The following VEPH1 variants were observed in gnomAD, a reference collection of about 807,000 sequenced individuals.
VEPH1 encodes ventricular zone expressed PH domain containing 1, also known as ventricular zone-expressed PH domain-containing protein homolog 1.
A neutral mutation model predicts 85.2 loss-of-function variants in VEPH1; 80 were observed. That is an observed-to-expected ratio of 0.94 (90% CI 0.78 to 1.13). The LOEUF is 1.13. VEPH1 is among the 50% of genes most tolerant of loss of function. VEPH1 has a pLI of 0.00. For synonymous variants in VEPH1, 297 were observed against 348.0 expected (o/e 0.85, Z 1.63); for missense variants, 955 against 980.5 (o/e 0.97, Z 0.35).
At chr3:157,478,949 C>A (rs1233709984) in intron 2 of VEPH1, among the ~76,000 whole-genome samples, 1 of 152,096 alleles carries the variant, frequency 6.6e-6, no homozygotes, top group Non-Finnish European at 1.5e-5. Flanking sequence ...AGAAAAAATT[C>A]TCCAAAATGA....
intron 9 of VEPH1, among the ~76,000 whole-genome samples, chr3:157,330,541 A>C (rs1722383194): frequency 6.6e-6 from 1 of 152,194 alleles, no homozygotes; most frequent in South Asian, 2.1e-4. Context: ...ATTATTATTG[A>C]GTCCTGGACT....
At chr3:157,453,183 G>A (rs894400744) in intron 4 of VEPH1, among the ~76,000 whole-genome samples, 1 of 152,204 alleles carries the variant, frequency 6.6e-6, no homozygotes, top group Non-Finnish European at 1.5e-5. Flanking sequence ...CCATCCTGAG[G>A]AAGCAGAGCT....
intron 9 of VEPH1, among the ~76,000 whole-genome samples, chr3:157,355,901 CT>C (rs142961206): frequency 0.043 from 5,921 of 139,242 alleles, 115 homozygotes; most frequent in South Asian, 0.11. Context: ...CTCTCTCACT[CT>C]TTTTTTTTTT....
intron 13 of VEPH1, among the ~76,000 whole-genome samples, chr3:157,261,963 G>T (rs1712965744): frequency 6.6e-6 from 1 of 152,128 alleles, no homozygotes. Flanking sequence ...ATCACACTGG[G>T]CTAAGATGAA....
rs775335482 is a variant in VEPH1, at chr3:157,313,611, G to A, written c.2010+10C>T. 4 of 1,613,694 alleles carry A rather than the reference G, an allele frequency of 2.5e-6. No individual in the cohort carries two copies. Among genetic ancestry groups the A allele is most frequent in the Non-Finnish European group, 3.4e-6 (4 of 1,179,754 alleles). ...TGGCCTGTAACATGGCCAAGGAAAG[G>A]AATATTTACCTTCTGCTGTGGAAAC... On this transcript the variant is annotated intron_variant, in intron 11 of 13. Coordinates refer to ENST00000362010, the MANE Select transcript of VEPH1 (RefSeq NM_001167912.2).
chr3:157,337,623 A>G (rs1029937538), intron 9 of VEPH1, among the ~76,000 whole-genome samples: 2 of 152,206 alleles, frequency 1.3e-5, no homozygotes, highest in Non-Finnish European at 2.9e-5. Flanking sequence ...CTATTTTCCA[A>G]TATTTTACAG....
intron 2 of VEPH1, among the ~76,000 whole-genome samples, chr3:157,487,088 A>C (rs1287194985): frequency 2.0e-5 from 3 of 152,086 alleles, no homozygotes; most frequent in Non-Finnish European, 4.4e-5. Flanking sequence ...TCAATAACCT[A>C]ATTATACAAT....
intron 7 of VEPH1, among the ~76,000 whole-genome samples, chr3:157,367,172 T>C (rs1726799529): frequency 6.6e-6 from 1 of 152,238 alleles, no homozygotes; most frequent in African/African-American, 2.4e-5. Context: ...TTTTATCTAC[T>C]CATACCATGC....
intron 11 of VEPH1, among the ~76,000 whole-genome samples, chr3:157,297,696 G>A (rs1194199943): frequency 6.6e-6 from 1 of 152,104 alleles, no homozygotes; most frequent in Non-Finnish European, 1.5e-5. Flanking sequence ...GATGGCATAA[G>A]GCAGTTCACA....
chr3:157,399,127 C>T (rs1398929149), intron 6 of VEPH1, among the ~76,000 whole-genome samples: 2 of 152,126 alleles, frequency 1.3e-5, no homozygotes, highest in Non-Finnish European at 2.9e-5. Context: ...TTTGAATTAT[C>T]ACAAAAATGA....
rs1715866710 is a variant in VEPH1 at position 157,279,880 on chromosome 3, G to A, written c.2128+6677C>T. ...AAAATACAAAAATTAGCTGAGTGTG[G>A]TGGCGCATGTCTGTAGTCCCAGCTA... On this transcript the variant is annotated intron_variant, in intron 12 of 13. Coordinates refer to ENST00000362010, the MANE Select transcript of VEPH1 (RefSeq NM_001167912.2). Among the ~76,000 whole-genome samples, 3 of 152,100 alleles carry A rather than the reference G, an allele frequency of 2.0e-5. No individual in the cohort carries two copies. In the South Asian group the frequency reaches 6.2e-4, roughly 32 times the overall value.
intron 9 of VEPH1, among the ~76,000 whole-genome samples, chr3:157,318,234 T>A (rs892229718): frequency 6.6e-6 from 1 of 152,258 alleles, no homozygotes; most frequent in Non-Finnish European, 1.5e-5. Context: ...GGGATTTTTT[T>A]AATCTGTAGA....
At chr3:157,291,291 A>G (rs1376052937) in intron 11 of VEPH1, among the ~76,000 whole-genome samples, 3 of 152,240 alleles carry the variant, frequency 2.0e-5, no homozygotes, top group Non-Finnish European at 2.9e-5. Flanking sequence ...AATGATATGG[A>G]GTACAAGGTG....
intron 4 of VEPH1, among the ~76,000 whole-genome samples, chr3:157,431,710 T>C (rs2109139486): frequency 6.6e-6 from 1 of 152,192 alleles, no homozygotes; most frequent in Middle Eastern, 3.4e-3. Flanking sequence ...TTTCTGTTGG[T>C]CCACATTCTT....
At chr3:157,496,518 G>A (rs2109765352) in intron 1 of VEPH1, among the ~76,000 whole-genome samples, 1 of 152,362 alleles carries the variant, frequency 6.6e-6, no homozygotes, top group Non-Finnish European at 1.5e-5. Flanking sequence ...CATGTGGGTA[G>A]CTTACAAATG....
chr3:157,421,443 T>C (rs1732330983), intron 5 of VEPH1, among the ~76,000 whole-genome samples: 1 of 152,232 alleles, frequency 6.6e-6, no homozygotes, highest in Non-Finnish European at 1.5e-5. Context: ...AGGGAAGCTC[T>C]ACTTGAATTC....
rs868454738 is a variant in VEPH1 at position 157,261,278 on chromosome 3, C to G, written c.2358G>C (p.Arg786=). 1 of 1,613,634 alleles carries G rather than the reference C, an allele frequency of 6.2e-7. No homozygotes were observed. Among genetic ancestry groups the G allele is most frequent in the Non-Finnish European group, 8.5e-7 (1 of 1,179,780 alleles). ...TATTGTCTGTGAAGATTTCGAAAGC[C>G]CGGGGGAGAGAGCGGTCCCTGCGTT... is the stretch of plus-strand genomic sequence containing the variant. The part of the protein sequence containing the change: ...AKKRRDRSLP[R]AFEIFTDNKT... Residue 786 remains arginine, a synonymous_variant, in exon 14 of 14, where the codon CGG becomes CGC. Coordinates refer to ENST00000362010, the MANE Select transcript of VEPH1 (RefSeq NM_001167912.2).
At chr3:157,466,284 T>C (rs114752239) in intron 3 of VEPH1, among the ~76,000 whole-genome samples, 1,893 of 152,280 alleles carry the variant, frequency 0.012, 44 homozygotes, top group African/African-American at 0.04. Context: ...TAACTCTAGG[T>C]AAGCTGTACT....
At chr3:157,301,740 T>C (rs1012659138) in intron 11 of VEPH1, among the ~76,000 whole-genome samples, 1 of 152,202 alleles carries the variant, frequency 6.6e-6, no homozygotes, top group East Asian at 1.9e-4. Context: ...CTCTACACTT[T>C]CTGAGGTTCT....
Sources: gnomAD v4.1 joint callset for allele counts (sites outside exome capture counted in the v4.1 genomes callset) on GRCh38, gnomAD v4.1.1 for gene constraint, MANE v1.5 for transcripts, NCBI Gene and HGNC (gene_info 2026-07-23, HGNC 2026-07-21) for gene names.